The following COMTD1 variants were observed in gnomAD, a reference collection of about 807,000 sequenced individuals.
The protein encoded by COMTD1 is catechol-O-methyltransferase domain containing 1.
A neutral mutation model predicts 33.6 loss-of-function variants in COMTD1; 35 were observed. The ratio of observed to expected loss-of-function variants is 1.04; its 90% confidence interval spans 0.80 to 1.38. The LOEUF (loss-of-function observed/expected upper bound fraction) is 1.38, where lower values mean the gene tolerates loss of function less well. Ranked by LOEUF, COMTD1 falls within the 40% of genes most tolerant of loss-of-function variation. The pLI is 0.00. For synonymous variants in COMTD1, 160 were observed against 176.8 expected (o/e 0.91, Z 0.75); for missense variants, 370 against 363.4 (o/e 1.02, Z -0.15).
At chr10:75,234,452 A>C in intron 6 of COMTD1, 158 bp downstream of exon 6, 1 of 1,230,758 alleles carries the variant, frequency 8.1e-7, no homozygotes, top group Non-Finnish European at 1.1e-6. Flanking sequence ...ACAGAACCAA[A>C]GCGGAGGAAA....
At position 75,234,048 on chromosome 10, in the gene COMTD1, C is replaced by T; in HGVS notation, c.*25G>A. 6 of 1,613,812 alleles carry T rather than the reference C, an allele frequency of 3.7e-6. No individual in the cohort carries two copies. Among genetic ancestry groups the T allele is most frequent in the Non-Finnish European group, 5.1e-6 (6 of 1,180,002 alleles). On this transcript the variant is annotated 3_prime_UTR_variant, in exon 7 of 7. Coordinates refer to ENST00000372538, the MANE Select transcript of COMTD1 (RefSeq NM_144589.4). Reference sequence around the variant, plus strand: ...CTGGGGTTCCCAGGCAACCCTCCCTCGAGCCCACTCACTAGGGGCCAGCCC... The same window carrying T: ...CTGGGGTTCCCAGGCAACCCTCCCTTGAGCCCACTCACTAGGGGCCAGCCC...
At chr10:75,235,422 C>A in intron 2 of COMTD1, 50 bp from the exon 3 acceptor site, 1 of 1,405,794 alleles carries the variant, frequency 7.1e-7, no homozygotes, top group South Asian at 1.4e-5. Context: ...CCCACCTTCG[C>A]CCTGGGGGTC....
At position 75,234,195 on chromosome 10, in the gene COMTD1, GAGGTTGCAGCACCTTCCCGCGCCAC is replaced by G. The variant is rs770744895; in HGVS notation, c.642_666del (p.Trp215ArgfsTer13). 5 of 1,613,182 alleles carry G rather than the reference GAGGTTGCAGCACCTTCCCGCGCCAC, an allele frequency of 3.1e-6. No individual in the cohort carries two copies. The highest frequency in any genetic ancestry group is 4.2e-6 in the Non-Finnish European group (5 of 1,180,016). ...CACTCGGCCGCCACGTCCCCTTTCG[GAGGTTGCAGCACCTTCCCGCGCCAC>G]AGGACCTGCGGGAGGGCGGGGCCAA... On this transcript the variant is annotated frameshift_variant, in exon 7 of 7. Coordinates refer to ENST00000372538, the MANE Select transcript of COMTD1 (RefSeq NM_144589.4). LOFTEE classifies it high-confidence loss of function.
Position 75,235,167 on chromosome 10 carries a change from C to A in COMTD1, c.340G>T (p.Gly114Cys). The stretch of plus-strand genomic sequence containing the variant: ...AGGGCCAGGGCCAGGGCGGAGTAGC[C>A]CGTGAAGGTGCCTGGGACCAGGACA... ...KKALDLGTFT[G>C]YSALALALAL... is the part of the protein sequence containing the mutation. Residue 114 changes from glycine to cysteine, a missense_variant, in exon 4 of 7, where the codon GGC becomes TGC. Transcript: ENST00000372538. 1.4e-6 allele frequency: 2 copies of A among 1,407,368 alleles called. No homozygotes were observed. The highest frequency in any genetic ancestry group is 1.8e-6 in the Non-Finnish European group (2 of 1,086,742). The allele number at this position is 1,407,368 out of a possible 1,614,324, so 87.2% of individuals were successfully genotyped here.
intron 1 of COMTD1, 38 bp downstream of exon 1, chr10:75,235,797 G>GGGGGGCCC: frequency 1.9e-6 from 3 of 1,538,620 alleles, no homozygotes; most frequent in Non-Finnish European, 2.6e-6. Flanking sequence ...CCTACTCTGC[G>GGGGGGCCC]CCCGCCCACC....
At chr10:75,234,294 C>T in intron 6 of COMTD1, 69 bp from the exon 7 acceptor site, 1 of 1,006,266 alleles carries the variant, frequency 9.9e-7, no homozygotes, top group Non-Finnish European at 1.4e-6. Flanking sequence ...GGGCGGAAGG[C>T]GGGGGACTGG....
intron 6 of COMTD1, 65 bp downstream of exon 6, chr10:75,234,545 C>G (rs1590019739): frequency 6.6e-7 from 1 of 1,504,790 alleles, no homozygotes; most frequent in Non-Finnish European, 8.9e-7. Context: ...TAAGAGGAGT[C>G]AAGGGAAAAG....
At chr10:75,234,341 G>A in intron 6 of COMTD1, 116 bp from the exon 7 acceptor site, 1 of 1,195,282 alleles carries the variant, frequency 8.4e-7, no homozygotes, top group South Asian at 1.5e-5. Context: ...GGTCTTGGAG[G>A]GAGGTGCCCA....
chr10:75,234,394 C>CGGGGCCTCGGAGGGAGGT, intron 6 of COMTD1, 169 bp from the exon 7 acceptor site: 1 of 972,826 alleles, frequency 1.0e-6, no homozygotes, highest in Non-Finnish European at 1.5e-6. Context: ...GGGCGGGAGG[C>CGGGGCCTCGGAGGGAGGT]GGGGCCTCGG....
At chr10:75,234,405 A>G (rs969915140) in intron 6 of COMTD1, 180 bp from the exon 7 acceptor site, 2 of 1,002,698 alleles carry the variant, frequency 2.0e-6, no homozygotes, top group South Asian at 1.7e-5. Context: ...GGGGCCTCGG[A>G]GGGAGGTGCC....
At position 75,234,614 on chromosome 10, in the gene COMTD1, AG is replaced by A. The variant is rs1049937777; in HGVS notation, c.631del (p.Leu211SerfsTer25). On this transcript the variant is annotated frameshift_variant, in exon 6 of 7. Coordinates refer to ENST00000372538, the MANE Select transcript of COMTD1 (RefSeq NM_144589.4). LOFTEE classifies it high-confidence loss of function. ...CCCCCGCAGTGGATCCCTTACTCTG[AG>A]GACGGCGAGGATGCCTCCGGGTCGC... ...LLRPGGILAV[L>X]RVLWRGKVLQ... 6.4e-7 allele frequency: 1 copy of A among 1,561,446 alleles called. No individual in the cohort carries two copies. Among genetic ancestry groups the A allele is most frequent in the African/African-American group, 1.4e-5 (1 of 73,352 alleles).
rs958262137 is a variant in COMTD1 at position 75,233,986 on chromosome 10, C to A, written c.*87G>T. On this transcript the variant is annotated 3_prime_UTR_variant, in exon 7 of 7. Coordinates refer to ENST00000372538, the MANE Select transcript of COMTD1 (RefSeq NM_144589.4). ...GCTCAGGAGGTCGTGTGTCCCAGCCCCACTTTATTTTCGAATTTAAAACTC... is the reference window on the plus strand; with the variant it reads ...GCTCAGGAGGTCGTGTGTCCCAGCCACACTTTATTTTCGAATTTAAAACTC... 8.7e-6 allele frequency: 14 copies of A among 1,606,912 alleles called. No individual in the cohort carries two copies. The highest frequency in any genetic ancestry group is 1.1e-5 in the Non-Finnish European group (13 of 1,178,986).
chr10:75,233,652 C>T lies in COMTD1; in HGVS notation c.*421G>A, dbSNP rs1236500793. Reference sequence around the variant, plus strand: ...AGTGACACCCGTGGTCCCCTGCAATCCTCTTTCATGTTGTCAGACACCAGA... The same window carrying T: ...AGTGACACCCGTGGTCCCCTGCAATTCTCTTTCATGTTGTCAGACACCAGA... On this transcript the variant is annotated 3_prime_UTR_variant, in exon 7 of 7. Transcript: ENST00000372538. Among the ~76,000 whole-genome samples the T allele has an allele frequency of 6.6e-6, 1 of 152,230 alleles. No individual in the cohort carries two copies. Among genetic ancestry groups the T allele is most frequent in the African/African-American group, 2.4e-5 (1 of 41,454 alleles).
chr10:75,235,830 C>T lies in COMTD1; in HGVS notation c.94+5G>A, dbSNP rs1842185707. The stretch of plus-strand genomic sequence containing the variant: ...ACCCGCCCGCCGGGACCAGGTCCTG[C>T]TCACCCAGGAAGAGGCCAGTGGCGA... On this transcript the variant is annotated splice_donor_5th_base_variant and intron_variant, in intron 1 of 6. Transcript: ENST00000372538. The T allele has an allele frequency of 1.0e-5, 15 of 1,502,100 alleles. No individual in the cohort carries two copies. Among genetic ancestry groups the T allele is most frequent in the Non-Finnish European group, 1.3e-5 (15 of 1,118,274 alleles). 93.0% of individuals were successfully genotyped at this position (1,502,100 alleles called of 1,614,324 possible). A position where few individuals can be genotyped will look rare whatever the true frequency, so the allele number is the denominator to read the frequency against.
chr10:75,235,717 G>T lies in COMTD1; in HGVS notation c.121C>A (p.Arg41=). Residue 41 remains arginine (R), a synonymous_variant, in exon 2 of 7, where the codon CGG becomes AGG. Coordinates refer to ENST00000372538, the MANE Select transcript of COMTD1 (RefSeq NM_144589.4). ...GGGGGAAGCAGGCACTGCTCTCGCC[G>T]GCCTCGCCATGGGGGGCACCGCCTC... is the stretch of plus-strand genomic sequence containing the variant. ...LGRRCPPWRG[R]REQCLLPPED... is the part of the protein sequence containing the mutation. 1 of 1,600,420 alleles carries T rather than the reference G, an allele frequency of 6.2e-7. No homozygotes were observed. Among genetic ancestry groups the T allele is most frequent in the Non-Finnish European group, 8.5e-7 (1 of 1,174,918 alleles).
At position 75,234,748 on chromosome 10, in the gene COMTD1, CG is replaced by C; in HGVS notation, c.503-6del. The C allele has an allele frequency of 1.3e-6, 2 of 1,580,152 alleles. No homozygotes were observed. Among genetic ancestry groups the C allele is most frequent in the Admixed American group, 1.8e-5 (1 of 56,898 alleles). On this transcript the variant is annotated splice_polypyrimidine_tract_variant and splice_region_variant and intron_variant, in intron 5 of 6. Coordinates refer to ENST00000372538, the MANE Select transcript of COMTD1 (RefSeq NM_144589.4). The stretch of plus-strand genomic sequence containing the variant: ...CGCCCGCCGCCAGCAGCTCGTCTTG[CG>C]GGGGGAGGGAGGGCAGGTGCGGCTG...
intron 6 of COMTD1, 96 bp from the exon 7 acceptor site, chr10:75,234,321 C>A (rs1842154466): frequency 1.1e-6 from 1 of 929,108 alleles, no homozygotes. Context: ...GGTGCCCGGG[C>A]GGGAGGCGGG....
chr10:75,234,034 A>G lies in COMTD1; in HGVS notation c.*39T>C. On this transcript the variant is annotated 3_prime_UTR_variant, in exon 7 of 7. Transcript: ENST00000372538. ...CTCAGGGTCAATTCCTGGGGTTCCC[A>G]GGCAACCCTCCCTCGAGCCCACTCA... is the stretch of plus-strand genomic sequence containing the variant. The G allele has an allele frequency of 1.9e-6, 3 of 1,613,598 alleles. No individual in the cohort carries two copies. Among genetic ancestry groups the G allele is most frequent in the African/African-American group, 1.3e-5 (1 of 75,036 alleles).
chr10:75,235,722 C>T lies in COMTD1; in HGVS notation c.116G>A (p.Arg39Gln), dbSNP rs1432611438. The T allele has an allele frequency of 2.5e-6, 4 of 1,601,526 alleles. No homozygotes were observed. The South Asian group carries it at 3.4e-5, about 13-fold the overall frequency. ...AAGCAGGCACTGCTCTCGCCGGCCT[C>T]GCCATGGGGGGCACCGCCTCCCTGA... is the stretch of plus-strand genomic sequence containing the variant. ...LFLGRRCPPW[R>Q]GRREQCLLPP... is the part of the protein sequence containing the mutation. Residue 39 changes from arginine to glutamine, a missense_variant, in exon 2 of 7, where the codon CGA becomes CAA. Coordinates refer to ENST00000372538, the MANE Select transcript of COMTD1 (RefSeq NM_144589.4).
Sources: gnomAD v4.1 joint callset for allele counts (sites outside exome capture counted in the v4.1 genomes callset) on GRCh38, gnomAD v4.1.1 for gene constraint, MANE v1.5 for transcripts, NCBI Gene and HGNC (gene_info 2026-07-23, HGNC 2026-07-21) for gene names.